Variants in GULP1 observed in about 807,000 individuals in gnomAD.
GULP1 encodes PTB domain-containing engulfment adapter protein 1.
Under a neutral mutation model 40.9 loss-of-function variants are expected in GULP1, and 19 were observed. That is an observed-to-expected ratio of 0.46 (90% CI 0.32 to 0.68). GULP1 has a LOEUF of 0.68. Among genes scored for constraint, GULP1 ranks in the 30% least tolerant of loss-of-function variants. The pLI is 0.03. For synonymous variants in GULP1, 119 were observed against 117.6 expected, an observed-to-expected ratio of 1.01 and a Z score of -0.08; for missense variants, 312 against 362.2, an observed-to-expected ratio of 0.86 and a Z score of 1.12.
chr2:188,558,031 A>T (rs147009767), intron 7 of GULP1, among the ~76,000 whole-genome samples: 1 of 152,160 alleles, frequency 6.6e-6, no homozygotes, highest in African/African-American at 2.4e-5. Flanking sequence ...AGGTCTCTGA[A>T]ATTACTTCAG....
intron 3 of GULP1, among the ~76,000 whole-genome samples, chr2:188,479,480 G>A (rs1038317941): frequency 4.6e-5 from 7 of 151,984 alleles, no homozygotes; most frequent in South Asian, 2.1e-4. Flanking sequence ...ATCTTGCTAC[G>A]TTGCCAGGGC....
At chr2:188,538,978 T>C (rs1689710877) in intron 6 of GULP1, among the ~76,000 whole-genome samples, 1 of 152,150 alleles carries the variant, frequency 6.6e-6, no homozygotes, top group Non-Finnish European at 1.5e-5. Context: ...ACTGTCTTTA[T>C]ACAGAATAGA....
At chr2:188,398,046 G>A (rs546841116) in intron 2 of GULP1, among the ~76,000 whole-genome samples, 1 of 152,280 alleles carries the variant, frequency 6.6e-6, no homozygotes, top group Non-Finnish European at 1.5e-5. Context: ...CATCATCCAG[G>A]ATTAACTGGA....
intron 4 of GULP1, among the ~76,000 whole-genome samples, chr2:188,502,027 A>G (rs1476759297): frequency 6.6e-6 from 1 of 151,786 alleles, no homozygotes; most frequent in Non-Finnish European, 1.5e-5. Context: ...CTGATAAACT[A>G]TTTTTTCAAA....
chr2:188,321,169 A>G (rs1003088564), intron 1 of GULP1, among the ~76,000 whole-genome samples: 5 of 152,134 alleles, frequency 3.3e-5, no homozygotes, highest in African/African-American at 1.2e-4. Flanking sequence ...AACAATACTC[A>G]ACCTTTTTTT....
At chr2:188,338,299 G>C (rs2042536350) in intron 1 of GULP1, among the ~76,000 whole-genome samples, 1 of 140,922 alleles carries the variant, frequency 7.1e-6, no homozygotes, top group Admixed American at 7.2e-5. Context: ...TTTTTTTTGA[G>C]TCAGAGTCTC....
At chr2:188,521,872 C>T (rs1417400427) in intron 4 of GULP1, among the ~76,000 whole-genome samples, 4 of 152,056 alleles carry the variant, frequency 2.6e-5, no homozygotes, top group Non-Finnish European at 5.9e-5. Context: ...GTCAGGAGAT[C>T]GAGACCATCC....
chr2:188,389,308 G>A (rs2050204336), intron 2 of GULP1, among the ~76,000 whole-genome samples: 1 of 151,790 alleles, frequency 6.6e-6, no homozygotes, highest in Admixed American at 6.6e-5. Flanking sequence ...ATATTATTGA[G>A]GATTAATTAA....
chr2:188,331,424 T>A (rs2152051754), intron 1 of GULP1, among the ~76,000 whole-genome samples: 1 of 152,332 alleles, frequency 6.6e-6, no homozygotes, highest in Middle Eastern at 3.4e-3. Flanking sequence ...ACTGTAGTGA[T>A]TTGAAAACAC....
chr2:188,523,714 A>G (rs1303306571), intron 5 of GULP1, among the ~76,000 whole-genome samples: 1 of 152,162 alleles, frequency 6.6e-6, no homozygotes, highest in Non-Finnish European at 1.5e-5. Context: ...GAGACATTAA[A>G]TGGTATTACT....
intron 1 of GULP1, among the ~76,000 whole-genome samples, chr2:188,318,179 A>G (rs1279830058): frequency 6.6e-6 from 1 of 152,202 alleles, no homozygotes; most frequent in Non-Finnish European, 1.5e-5. Flanking sequence ...GAATTAAATA[A>G]AGCAGAATGG....
intron 4 of GULP1, among the ~76,000 whole-genome samples, chr2:188,503,564 G>A (rs1037574382): frequency 6.6e-5 from 10 of 151,800 alleles, no homozygotes; most frequent in African/African-American, 1.7e-4. Flanking sequence ...ATTACAATTC[G>A]AGATAAGATT....
intron 1 of GULP1, among the ~76,000 whole-genome samples, chr2:188,330,243 T>A (rs1026169495): frequency 2.6e-5 from 4 of 152,202 alleles, no homozygotes; most frequent in Non-Finnish European, 4.4e-5. Context: ...AATAAACTTA[T>A]CTATTTTATA....
chr2:188,588,514 C>T (rs1294219741), intron 11 of GULP1: 1 of 154,730 alleles, frequency 6.5e-6, no homozygotes, highest in African/African-American at 2.4e-5. Context: ...CTGAAGTTTA[C>T]AGAAATTGGT....
At chr2:188,316,122 TA>T (rs1204586397) in intron 1 of GULP1, among the ~76,000 whole-genome samples, 19 of 152,174 alleles carry the variant, frequency 1.2e-4, no homozygotes, top group Admixed American at 1.0e-3. Context: ...TTGCTCTGAA[TA>T]GAATGTATAG....
chr2:188,366,588 C>CTTTT lies in GULP1; in HGVS notation c.-171-17156_-171-17153dup, dbSNP rs34745549. On this transcript the variant is annotated intron_variant, in intron 1 of 11. Transcript: ENST00000409830. ...TTGTAGGGCGACTTCCAGTTACTTT[C>CTTTT]TTTTTTTTTTTTTTTTTTTTTTGAG... is the stretch of plus-strand genomic sequence containing the variant. Among the ~76,000 whole-genome samples, 564 of 83,900 alleles carry CTTTT rather than the reference C, an allele frequency of 6.7e-3. 1 individual carries two copies. Among genetic ancestry groups the CTTTT allele is most frequent in the Non-Finnish European group, 8.2e-3 (371 of 45,006 alleles). 55.0% of individuals were successfully genotyped at this position (83,900 alleles called of 152,430 possible).
chr2:188,555,468 A>G (rs373024400), intron 7 of GULP1, among the ~76,000 whole-genome samples: 3 of 152,288 alleles, frequency 2.0e-5, no homozygotes, highest in Non-Finnish European at 4.4e-5. Context: ...TTCTTCATTT[A>G]GAAAGGAGAA....
intron 7 of GULP1, among the ~76,000 whole-genome samples, chr2:188,564,812 T>C (rs1697249260): frequency 6.6e-6 from 1 of 151,968 alleles, no homozygotes; most frequent in Admixed American, 6.6e-5. Flanking sequence ...ATGTCAGAAC[T>C]TACCTTAAAC....
intron 9 of GULP1, among the ~76,000 whole-genome samples, chr2:188,577,711 AGAGAT>A (rs1246760181): frequency 6.6e-6 from 1 of 152,108 alleles, no homozygotes. Context: ...CTTACAACTA[AGAGAT>A]CAGTATAAAC....
Sources: gnomAD v4.1 joint callset for allele counts (sites outside exome capture counted in the v4.1 genomes callset) on GRCh38, gnomAD v4.1.1 for gene constraint, MANE v1.5 for transcripts, NCBI Gene and HGNC (gene_info 2026-07-23, HGNC 2026-07-21) for gene names.